Variants in RBL2 observed in about 807,000 individuals in gnomAD.
The protein encoded by RBL2 is RB transcriptional corepressor like 2, also known as retinoblastoma-like protein 2.
In RBL2, 56 loss-of-function variants were observed where a neutral mutation model predicts 126.0. The ratio of observed to expected loss-of-function variants is 0.44; its 90% CI spans 0.36 to 0.56. RBL2 has a LOEUF of 0.56. Ranked by LOEUF, RBL2 falls within the 20% of genes least tolerant of loss-of-function variation. The pLI is 0.00. For synonymous variants in RBL2, 454 were observed against 478.5 expected (o/e 0.95, Z 0.67); for missense variants, 1,229 against 1,398.2 (o/e 0.88, Z 1.93).
rs2058250877 is a variant in RBL2 at position 53,464,285 on chromosome 16, C to A, written c.1620C>A (p.Val540=). 5 of 1,601,952 alleles carry A rather than the reference C, an allele frequency of 3.1e-6. No homozygotes were observed. Among genetic ancestry groups the A allele is most frequent in the Non-Finnish European group, 8.5e-7 (1 of 1,169,618 alleles). ...TCTTGGCCTGCTGCCTTGAGGTCGT[C>A]ACTTTTTCTTATAAGCCTCCTGGGA... ...RSLLACCLEV[V]TFSYKPPGNF... is the part of the protein sequence containing the mutation. Residue 540 remains valine (V), a synonymous_variant, in exon 12 of 22, where the codon GTC becomes GTA. Transcript: ENST00000262133.
At chr16:53,451,681 G>A (rs930432323) in intron 4 of RBL2, 22 bp from the exon 5 acceptor site, 2 of 1,610,378 alleles carry the variant, frequency 1.2e-6, no homozygotes, top group Non-Finnish European at 1.7e-6. Flanking sequence ...ATTTAACTCT[G>A]TAACTGCTTA....
chr16:53,465,644 TATCTA>T (rs1234293789), intron 13 of RBL2, 42 bp downstream of exon 13: 2 of 1,405,160 alleles, frequency 1.4e-6, no homozygotes, highest in Admixed American at 2.5e-5. Context: ...AATACATCAA[TATCTA>T]ATCTATTAAT....
rs2058152054 is a variant in RBL2 at position 53,454,848 on chromosome 16, T to C, written c.1179+6T>C. 1 of 1,600,820 alleles carries C rather than the reference T, an allele frequency of 6.2e-7. No homozygotes were observed. The highest frequency in any genetic ancestry group is 1.1e-5 in the South Asian group (1 of 89,448). The stretch of plus-strand genomic sequence containing the variant: ...TACAGCAGCATTTTGACAAGGTGAG[T>C]TTAGCCATGCCAGAAGAGTAGAAAT... On this transcript the variant is annotated splice_donor_region_variant and intron_variant, in intron 8 of 21. Transcript: ENST00000262133.
At position 53,481,791 on chromosome 16, in the gene RBL2, C is replaced by G. The variant is rs1960961279; in HGVS notation, c.3205C>G (p.Pro1069Ala). 6.3e-7 allele frequency: 1 copy of G among 1,593,618 alleles called. No homozygotes were observed. The highest frequency in any genetic ancestry group is 1.3e-5 in the African/African-American group (1 of 74,472). The change falls in exon 21 of 22, where the codon CCT (proline) becomes GCT (alanine). Residue 1069 changes from proline to alanine, a missense_variant. Transcript: ENST00000262133. ...SPHKNETMLSPREKIFYYFSN... is the reference protein window; with the variant it reads ...SPHKNETMLSAREKIFYYFSN... ...ACATAAAAATGAAACAATGCTTTCT[C>G]CTCGAGAAAAGATTTTCTATTACTT...
chr16:53,442,926 G>GTT, intron 3 of RBL2, 68 bp downstream of exon 3: 79 of 1,003,854 alleles, frequency 7.9e-5, no homozygotes, highest in South Asian at 1.3e-4. Context: ...ATTCTGCTAG[G>GTT]TTTTTTTTTT....
Position 53,443,365 on chromosome 16 carries a change from A to G in RBL2, c.572+507A>G, listed in dbSNP as rs1221070515. 4 of 152,224 alleles carry G rather than the reference A, an allele frequency of 2.6e-5. No individual in the cohort carries two copies. In the East Asian group the frequency reaches 7.7e-4, roughly 29 times the overall value. The allele number at this position is 152,224 out of a possible 1,614,324, so 9.4% of individuals were successfully genotyped here. A position where few individuals can be genotyped will look rare whatever the true frequency, so the allele number is the denominator to read the frequency against. On this transcript the variant is annotated intron_variant, in intron 3 of 21. Coordinates refer to ENST00000262133, the MANE Select transcript of RBL2 (RefSeq NM_005611.4). Reference sequence around the variant, plus strand: ...GATATAGATCACTATATTAACCACTATATTTTCTACTAGTGATTATATAGA... The same window carrying G: ...GATATAGATCACTATATTAACCACTGTATTTTCTACTAGTGATTATATAGA...
chr16:53,473,434 C>G (rs765313677), intron 17 of RBL2, among the ~76,000 whole-genome samples: 11 of 150,404 alleles, frequency 7.3e-5, no homozygotes, highest in Non-Finnish European at 1.3e-4. Flanking sequence ...CTTGTTGATG[C>G]TATTCCAAGT....
chr16:53,478,909 A>T (rs369803242), intron 17 of RBL2: 33 of 433,516 alleles, frequency 7.6e-5, no homozygotes, highest in Middle Eastern at 6.5e-4. Context: ...GGTGTGAACC[A>T]CCGCACCTGG....
chr16:53,470,209 T>C, intron 15 of RBL2, 24 bp downstream of exon 15: 1 of 1,587,220 alleles, frequency 6.3e-7, no homozygotes, highest in Non-Finnish European at 8.6e-7. Flanking sequence ...AGTTGGATAT[T>C]GAGTTCCTTC....
Position 53,434,553 on chromosome 16 carries a change from C to T in RBL2, c.-4C>T. 2.7e-6 allele frequency: 4 copies of T among 1,491,202 alleles called. No individual in the cohort carries two copies. Among genetic ancestry groups the T allele is most frequent in the East Asian group, 5.2e-5 (2 of 38,512 alleles). The allele number at this position is 1,491,202 out of a possible 1,614,324, so 92.4% of individuals were successfully genotyped here. Reference sequence around the variant, plus strand: ...CCTGAGGTCCGGCCGCCCAGGGGTGCGCTATGCCGTCGGGAGGTGACCAGT... The same window carrying T: ...CCTGAGGTCCGGCCGCCCAGGGGTGTGCTATGCCGTCGGGAGGTGACCAGT... On this transcript the variant is annotated 5_prime_UTR_variant, in exon 1 of 22. Coordinates refer to ENST00000262133, the MANE Select transcript of RBL2 (RefSeq NM_005611.4).
intron 21 of RBL2, among the ~76,000 whole-genome samples, chr16:53,486,954 C>A (rs781375037): frequency 6.6e-6 from 1 of 151,854 alleles, no homozygotes; most frequent in East Asian, 1.9e-4. Context: ...AATACCATAA[C>A]ATTTTAAAAT....
chr16:53,444,213 C>T (rs1046112271), intron 3 of RBL2, among the ~76,000 whole-genome samples: 3 of 151,912 alleles, frequency 2.0e-5, no homozygotes, highest in Admixed American at 6.6e-5. Flanking sequence ...CCATTGCATT[C>T]GAGCCTGGGC....
chr16:53,458,041 A>G (rs1422180004), intron 8 of RBL2, among the ~76,000 whole-genome samples: 1 of 152,226 alleles, frequency 6.6e-6, no homozygotes, highest in East Asian at 1.9e-4. Flanking sequence ...TTTGAATGCA[A>G]TAATCTACCC....
chr16:53,443,672 C>T (rs1216114954), intron 3 of RBL2, among the ~76,000 whole-genome samples: 1 of 151,912 alleles, frequency 6.6e-6, no homozygotes. Context: ...AAAATTCTAA[C>T]AATTAGAAAA....
At position 53,477,661 on chromosome 16, in the gene RBL2, A is replaced by C. The variant is rs147104097; in HGVS notation, c.2704-1493A>C. ...CACCCAGCCTATTTCTATTTCTCTT[A>C]TTCATTCCTGTGTATGTGAGTTGCC... On this transcript the variant is annotated intron_variant, in intron 17 of 21. Transcript: ENST00000262133. 4.1e-4 allele frequency among the ~76,000 whole-genome samples: 63 copies of C among 152,146 alleles called. No individual in the cohort carries two copies. The East Asian group carries it at 0.011, about 27-fold the overall frequency.
At chr16:53,449,895 A>C (rs2058098071) in intron 4 of RBL2, among the ~76,000 whole-genome samples, 2 of 151,670 alleles carry the variant, frequency 1.3e-5, no homozygotes, top group Non-Finnish European at 2.9e-5. Flanking sequence ...CCTAGAATTT[A>C]ATTTAAATTA....
chr16:53,467,599 G>T (rs983225683), intron 14 of RBL2, among the ~76,000 whole-genome samples: 46 of 152,300 alleles, frequency 3.0e-4, no homozygotes, highest in African/African-American at 1.1e-3. Context: ...TATTGGCCAG[G>T]CTGGCCTTGA....
intron 2 of RBL2, among the ~76,000 whole-genome samples, chr16:53,439,792 A>T (rs28412184): frequency 0.047 from 7,106 of 151,956 alleles, 489 homozygotes; most frequent in African/African-American, 0.16. Context: ...TATGGAGTTA[A>T]TGGTTAAAAA....
intron 1 of RBL2, chr16:53,435,887 C>A: frequency 1.2e-6 from 1 of 816,402 alleles, no homozygotes; most frequent in Non-Finnish European, 1.7e-6. Flanking sequence ...TGTATGGTGG[C>A]TTTAGAACCC....
Sources: gnomAD v4.1 joint callset for allele counts (sites outside exome capture counted in the v4.1 genomes callset) on GRCh38, gnomAD v4.1.1 for gene constraint, MANE v1.5 for transcripts, NCBI Gene and HGNC (gene_info 2026-07-23, HGNC 2026-07-21) for gene names.